The following GEN1 variants were observed in gnomAD, a reference collection of about 807,000 sequenced individuals.
GEN1 encodes flap endonuclease GEN homolog 1.
A neutral mutation model predicts 67.6 loss-of-function variants in GEN1; 64 were observed. The observed-to-expected ratio is 0.95, with a 90% CI of 0.77 to 1.17. The LOEUF (loss-of-function observed/expected upper bound fraction) is 1.17. GEN1 is among the 50% of genes most tolerant of loss of function. The probability of loss-of-function intolerance (pLI) is 0.00; values close to 1 mark genes in which losing one functional copy is unlikely to be tolerated. For synonymous variants in GEN1, 371 were observed against 359.4 expected, an observed-to-expected ratio of 1.03 and a Z score of -0.37; for missense variants, 1,058 against 1,048.3, an observed-to-expected ratio of 1.01 and a Z score of -0.13.
rs1673130176 is a variant in GEN1, at chr2:17,788,667, G to C, written c.*6728G>C. 6.6e-6 allele frequency: 1 copy of C among 152,184 alleles called. No individual in the cohort carries two copies. Among genetic ancestry groups the C allele is most frequent in the Non-Finnish European group, 1.5e-5 (1 of 68,024 alleles). The allele number at this position is 152,184 out of a possible 1,614,324, so 9.4% of individuals were successfully genotyped here. A position where few individuals can be genotyped will look rare whatever the true frequency, so the allele number is the denominator to read the frequency against. ...AGAATTCTCTGATCAAAGACCTAAT[G>C]AAAAGATTCTATAGTGTTTGCGTCA... is the stretch of plus-strand genomic sequence containing the variant. On this transcript the variant is annotated 3_prime_UTR_variant, in exon 14 of 14. Transcript: ENST00000381254.
At chr2:17,758,348 C>A (rs1249082162) in intron 1 of GEN1, among the ~76,000 whole-genome samples, 2 of 152,110 alleles carry the variant, frequency 1.3e-5, no homozygotes, top group Non-Finnish European at 2.9e-5. Flanking sequence ...CAGTGTGCAC[C>A]GTGAGTCACA....
In GEN1 at chr2:17,784,862, C is replaced by CT. The variant is rs1558417996; in HGVS notation, c.*2924dup. The stretch of plus-strand genomic sequence containing the variant: ...ACAAAATTAGTTGGGAGTGGCCAGT[C>CT]TGAGTTCATTTTGCTATATAGCTCA... On this transcript the variant is annotated 3_prime_UTR_variant, in exon 14 of 14. Coordinates refer to ENST00000381254, the MANE Select transcript of GEN1 (RefSeq NM_001130009.3). 6.6e-6 allele frequency: 1 copy of CT among 152,186 alleles called. No homozygotes were observed. Among genetic ancestry groups the CT allele is most frequent in the Non-Finnish European group, 1.5e-5 (1 of 68,062 alleles). 9.4% of individuals were successfully genotyped at this position (152,186 alleles called of 1,614,324 possible). A position where few individuals can be genotyped will look rare whatever the true frequency, so the allele number is the denominator to read the frequency against.
chr2:17,765,162 T>C (rs576986267), intron 4 of GEN1, 89 bp downstream of exon 4: 1 of 1,255,308 alleles, frequency 8.0e-7, no homozygotes, highest in Non-Finnish European at 1.1e-6. Context: ...TATAAAATGC[T>C]TACTGTAATG....
intron 1 of GEN1, chr2:17,755,183 A>C (rs1272955429): frequency 6.6e-6 from 1 of 152,206 alleles, no homozygotes; most frequent in African/African-American, 2.4e-5. Flanking sequence ...GTCAAAATAG[A>C]CCAAAACATC....
rs564921185 is a variant in GEN1 at position 17,784,232 on chromosome 2, A to T, written c.*2293A>T. 1 of 152,376 alleles carries T rather than the reference A, an allele frequency of 6.6e-6. No homozygotes were observed. The highest frequency in any genetic ancestry group is 1.9e-4 in the East Asian group (1 of 5,190). The allele number at this position is 152,376 out of a possible 1,614,324, so 9.4% of individuals were successfully genotyped here. ...AAATGACCAAGAAGCACATTTAAAAATTTTCAGTACTATTACTCATCAGGA... is the reference window on the plus strand; with the variant it reads ...AAATGACCAAGAAGCACATTTAAAATTTTTCAGTACTATTACTCATCAGGA... On this transcript the variant is annotated 3_prime_UTR_variant, in exon 14 of 14. Transcript: ENST00000381254.
At chr2:17,775,872 G>A (rs553804579) in intron 11 of GEN1, among the ~76,000 whole-genome samples, 42 of 152,042 alleles carry the variant, frequency 2.8e-4, no homozygotes, top group African/African-American at 9.9e-4. Flanking sequence ...GTGGTGGCTC[G>A]CACCTGTAAT....
intron 3 of GEN1, among the ~76,000 whole-genome samples, chr2:17,762,907 A>G (rs1260789536): frequency 2.6e-5 from 4 of 152,226 alleles, no homozygotes; most frequent in Non-Finnish European, 1.5e-5. Context: ...TCACAAGAAC[A>G]TTGGATGTTA....
rs968212865 is a variant in GEN1 at position 17,786,022 on chromosome 2, C to A, written c.*4083C>A. 1 of 152,214 alleles carries A rather than the reference C, an allele frequency of 6.6e-6. No homozygotes were observed. The highest frequency in any genetic ancestry group is 1.5e-5 in the Non-Finnish European group (1 of 68,048). 9.4% of individuals were successfully genotyped at this position (152,214 alleles called of 1,614,324 possible). On this transcript the variant is annotated 3_prime_UTR_variant, in exon 14 of 14. Coordinates refer to ENST00000381254, the MANE Select transcript of GEN1 (RefSeq NM_001130009.3). The stretch of plus-strand genomic sequence containing the variant: ...TGTCAGGCATACCTAGCTTCAGATT[C>A]TTTTCTGCTAACAGATTTTCTCTGT...
At position 17,768,794 on chromosome 2, in the gene GEN1, G is replaced by A; in HGVS notation, c.693G>A (p.Gly231=). 6.2e-7 allele frequency: 1 copy of A among 1,605,776 alleles called. No individual in the cohort carries two copies. Among genetic ancestry groups the A allele is most frequent in the Non-Finnish European group, 8.5e-7 (1 of 1,173,348 alleles). ...TAAAACTTATACAGATTTTGAAAGG[G>A]CAAAGTTTACTTCAGAGGTAACTAA... ...QALKLIQILK[G]QSLLQRFNRW... is the part of the protein sequence containing the mutation. The change falls in exon 6 of 14, where the codon GGG becomes GGA. Residue 231 remains glycine (G), a synonymous_variant. Transcript: ENST00000381254.
chr2:17,761,973 A>C (rs933105804), intron 3 of GEN1, among the ~76,000 whole-genome samples: 1 of 152,150 alleles, frequency 6.6e-6, no homozygotes, highest in African/African-American at 2.4e-5. Flanking sequence ...GATCTCATTA[A>C]TTCGTACTTC....
intron 2 of GEN1, 120 bp from the exon 3 acceptor site, chr2:17,761,276 A>G: frequency 3.3e-6 from 2 of 607,382 alleles, no homozygotes; most frequent in Non-Finnish European, 5.8e-6. Context: ...AAGCTTAAGT[A>G]AAATGTTATT....
rs899944035 is a variant in GEN1 at position 17,782,039 on chromosome 2, G to T, written c.*100G>T. On this transcript the variant is annotated 3_prime_UTR_variant, in exon 14 of 14. Coordinates refer to ENST00000381254, the MANE Select transcript of GEN1 (RefSeq NM_001130009.3). ...GTTCATGTGTGGTAAAAATTTTAAT[G>T]TTCTCTGTGTCATGAAACACTTGCC... The T allele has an allele frequency of 3.6e-5, 23 of 643,180 alleles. No homozygotes were observed. In the Admixed American group the frequency reaches 4.9e-4, roughly 14 times the overall value. 39.8% of individuals were successfully genotyped at this position (643,180 alleles called of 1,614,324 possible).
chr2:17,772,782 G>T lies in GEN1; in HGVS notation c.951G>T (p.Lys317Asn). ...TCAGTGAAGTAGAGAACAATATTAA[G>T]AAGTAAGTTTTTTTAAAAACTCATG... ...RQLSEVENNI[K>N]KKACCCEGFP... Residue 317 changes from lysine to asparagine, a missense_variant and splice_region_variant, in exon 8 of 14, where the codon AAG becomes AAT. By Grantham distance (94) the Lys-to-Asn change is moderately conservative. Coordinates refer to ENST00000381254, the MANE Select transcript of GEN1 (RefSeq NM_001130009.3). 1 of 1,603,692 alleles carries T rather than the reference G, an allele frequency of 6.2e-7. No individual in the cohort carries two copies. The highest frequency in any genetic ancestry group is 8.5e-7 in the Non-Finnish European group (1 of 1,175,290).
chr2:17,761,944 G>GTT (rs1671700983), intron 3 of GEN1, among the ~76,000 whole-genome samples: 1 of 152,082 alleles, frequency 6.6e-6, no homozygotes, highest in African/African-American at 2.4e-5. Context: ...AGGACTTAAA[G>GTT]AAGTCCCAGA....
intron 7 of GEN1, 130 bp downstream of exon 7, chr2:17,771,417 G>A (rs907156557): frequency 3.2e-6 from 2 of 625,306 alleles, no homozygotes; most frequent in South Asian, 1.9e-5. Context: ...CACTAGATTA[G>A]GAATTCCTTG....
At position 17,774,400 on chromosome 2, in the gene GEN1, C is replaced by T. The variant is rs747865506; in HGVS notation, c.1201C>T (p.Arg401Ter). The change falls in exon 11 of 14, where the codon CGA becomes TGA. Residue 401 changes from arginine to a stop codon, truncating the protein, a stop_gained and splice_region_variant. Transcript: ENST00000381254. LOFTEE classifies it high-confidence loss of function. ...SRNSNQLQPI[R>*]IVKTRIRNGV... Reference sequence around the variant, plus strand: ...AAACTCTAATCAACTACAGCCAATTCGGTAATGTAAAGAACTGTATGGTGA... The same window carrying T: ...AAACTCTAATCAACTACAGCCAATTTGGTAATGTAAAGAACTGTATGGTGA... 42 of 1,596,998 alleles carry T rather than the reference C, an allele frequency of 2.6e-5. No individual in the cohort carries two copies. In the East Asian group the frequency reaches 3.2e-4, roughly 12 times the overall value.
chr2:17,778,197 CATAT>C lies in GEN1; in HGVS notation c.1264+137_1264+140del, dbSNP rs10535307. ...GTGTATATATATATATACACACACACATATATGTGTATATATATGTATACACACA... is the reference window on the plus strand; with the variant it reads ...GTGTATATATATATATACACACACACATGTGTATATATATGTATACACACA... On this transcript the variant is annotated intron_variant, in intron 12 of 13. Transcript: ENST00000381254. The C allele has an allele frequency of 4.0e-4, 137 of 338,872 alleles. 3 individuals carry two copies. The highest frequency in any genetic ancestry group is 8.9e-4 in the Middle Eastern group (1 of 1,128). The allele number at this position is 338,872 out of a possible 1,614,324, so 21.0% of individuals were successfully genotyped here.
intron 11 of GEN1, among the ~76,000 whole-genome samples, chr2:17,777,674 AAAAT>A (rs1431453179): frequency 6.6e-6 from 1 of 152,194 alleles, no homozygotes; most frequent in Non-Finnish European, 1.5e-5. Context: ...ACAGAGTTTG[AAAAT>A]AAAGAGATTT....
At chr2:17,771,699 T>G (rs1055612955) in intron 7 of GEN1, among the ~76,000 whole-genome samples, 6 of 152,022 alleles carry the variant, frequency 3.9e-5, no homozygotes, top group African/African-American at 1.4e-4. Context: ...TAATGCATTT[T>G]GTGTGTGAAG....
Sources: gnomAD v4.1 joint callset for allele counts (sites outside exome capture counted in the v4.1 genomes callset) on GRCh38, gnomAD v4.1.1 for gene constraint, MANE v1.5 for transcripts, NCBI Gene and HGNC (gene_info 2026-07-23, HGNC 2026-07-21) for gene names.